The following BLMH variants were observed in gnomAD, a reference collection of about 807,000 sequenced individuals.
BLMH encodes the protein bleomycin hydrolase.
A neutral mutation model predicts 61.6 loss-of-function variants in BLMH; 32 were observed. The observed-to-expected ratio is 0.52, with a 90% CI of 0.39 to 0.70. BLMH has a LOEUF of 0.70. Among genes scored for constraint, BLMH ranks in the 30% least tolerant of loss-of-function variants. BLMH has a pLI of 0.00. For missense variants in BLMH, 460 were observed against 555.5 expected, an observed-to-expected ratio of 0.83 and a Z score of 1.73; for synonymous variants, 183 against 193.8, an observed-to-expected ratio of 0.94 and a Z score of 0.46.
At position 30,275,481 on chromosome 17, in the gene BLMH, A is replaced by G. The variant is rs1017327475; in HGVS notation, c.646-1284T>C. ...TGAGACCAGCCTGGCCAACATGGTG[A>G]AACCCTGTCTTTACTAAAGATACAA... On this transcript the variant is annotated intron_variant, in intron 6 of 11. Coordinates refer to ENST00000261714, the MANE Select transcript of BLMH (RefSeq NM_000386.4). 1.5e-4 allele frequency among the ~76,000 whole-genome samples: 23 copies of G among 152,252 alleles called. No homozygotes were observed. In the South Asian group the frequency reaches 4.6e-3, roughly 30 times the overall value.
intron 11 of BLMH, among the ~76,000 whole-genome samples, chr17:30,253,055 G>GA (rs1421293445): frequency 6.6e-6 from 1 of 152,164 alleles, no homozygotes; most frequent in Non-Finnish European, 1.5e-5. Context: ...GCAAGCAGGA[G>GA]AGCAGACTAG....
chr17:30,291,262 A>C, intron 2 of BLMH, 49 bp downstream of exon 2: 8 of 1,579,470 alleles, frequency 5.1e-6, no homozygotes, highest in Non-Finnish European at 5.2e-6. Context: ...CCAAAATGGG[A>C]CGCTGTCAGG....
chr17:30,282,017 T>A (rs1908604698), intron 6 of BLMH, among the ~76,000 whole-genome samples: 1 of 152,146 alleles, frequency 6.6e-6, no homozygotes, highest in African/African-American at 2.4e-5. Flanking sequence ...TTCTTTTCCC[T>A]TTTTGTGGCA....
chr17:30,254,701 T>C (rs1907765878), intron 11 of BLMH, among the ~76,000 whole-genome samples: 1 of 152,190 alleles, frequency 6.6e-6, no homozygotes, highest in African/African-American at 2.4e-5. Flanking sequence ...CCTTAAAAGT[T>C]ACCCAAACTC....
intron 11 of BLMH, among the ~76,000 whole-genome samples, chr17:30,257,727 C>T (rs889902847): frequency 6.6e-6 from 1 of 152,192 alleles, no homozygotes; most frequent in Non-Finnish European, 1.5e-5. Flanking sequence ...ATTCTCACAA[C>T]AATGCTGTGA....
chr17:30,271,880 A>G (rs1228662478), intron 9 of BLMH, among the ~76,000 whole-genome samples: 1 of 152,188 alleles, frequency 6.6e-6, no homozygotes, highest in Admixed American at 6.5e-5. Flanking sequence ...GGCAAAATAC[A>G]TGTGAGAGAG....
intron 11 of BLMH, among the ~76,000 whole-genome samples, chr17:30,256,284 T>G (rs1197283138): frequency 6.6e-6 from 1 of 152,238 alleles, no homozygotes; most frequent in Non-Finnish European, 1.5e-5. Context: ...TTTCCTATTA[T>G]GTAACTGGCC....
At chr17:30,271,429 C>T (rs1335501208) in intron 9 of BLMH, 41 bp from the exon 10 acceptor site, 1 of 1,534,560 alleles carries the variant, frequency 6.5e-7, no homozygotes, top group Non-Finnish European at 9.0e-7. Context: ...GGAGTACGAT[C>T]ATGGGGAAAA....
intron 1 of BLMH, 69 bp from the exon 2 acceptor site, chr17:30,291,577 C>T (rs747369910): frequency 6.4e-7 from 1 of 1,574,040 alleles, no homozygotes; most frequent in African/African-American, 1.3e-5. Flanking sequence ...GCTCCCGCGT[C>T]CCGAATCTAA....
chr17:30,262,604 C>G (rs1269037307), intron 11 of BLMH, among the ~76,000 whole-genome samples: 1 of 152,132 alleles, frequency 6.6e-6, no homozygotes, highest in African/African-American at 2.4e-5. Context: ...ACCATCCTGG[C>G]TAACACAGTG....
At chr17:30,280,028 G>C (rs922258933) in intron 6 of BLMH, among the ~76,000 whole-genome samples, 2 of 152,138 alleles carry the variant, frequency 1.3e-5, no homozygotes, top group South Asian at 2.1e-4. Context: ...AAGGAAAGAT[G>C]CAGCAGTTGA....
intron 6 of BLMH, among the ~76,000 whole-genome samples, chr17:30,279,917 T>A (rs1377081368): frequency 6.6e-6 from 1 of 152,120 alleles, no homozygotes; most frequent in Non-Finnish European, 1.5e-5. Context: ...AAGAATGAGA[T>A]ATGAAATAAG....
intron 6 of BLMH, among the ~76,000 whole-genome samples, chr17:30,275,058 A>G (rs1396293665): frequency 6.7e-6 from 1 of 149,312 alleles, no homozygotes; most frequent in African/African-American, 2.5e-5. Flanking sequence ...AAAAAAAAAA[A>G]GTACAAAAAC....
intron 11 of BLMH, among the ~76,000 whole-genome samples, chr17:30,266,393 C>T (rs1296405386): frequency 2.6e-5 from 4 of 151,350 alleles, no homozygotes; most frequent in Non-Finnish European, 5.9e-5. Context: ...GGAGTGGTGG[C>T]GGGTGCCTGC....
At chr17:30,271,430 A>G in intron 9 of BLMH, 42 bp from the exon 10 acceptor site, 1 of 1,533,274 alleles carries the variant, frequency 6.5e-7, no homozygotes, top group Non-Finnish European at 9.0e-7. Context: ...GAGTACGATC[A>G]TGGGGAAAAC....
At chr17:30,272,356 G>A (rs546776448) in intron 9 of BLMH, 1 of 608,174 alleles carries the variant, frequency 1.6e-6, no homozygotes, top group South Asian at 2.3e-5. Flanking sequence ...TAGAAAGTGG[G>A]ATTTTGATGT....
chr17:30,264,187 C>T (rs534221554), intron 11 of BLMH, among the ~76,000 whole-genome samples: 3 of 152,166 alleles, frequency 2.0e-5, no homozygotes, highest in South Asian at 2.1e-4. Flanking sequence ...CTTGAATGAA[C>T]GACTCCCTAC....
chr17:30,261,467 C>A (rs1022206004), intron 11 of BLMH, among the ~76,000 whole-genome samples: 5 of 152,134 alleles, frequency 3.3e-5, no homozygotes, highest in Non-Finnish European at 5.9e-5. Context: ...GTTCATAACT[C>A]CTTAGATTTA....
At position 30,249,113 on chromosome 17, in the gene BLMH, C is replaced by A. The variant is rs758702032; in HGVS notation, c.1272G>T (p.Val424=). Residue 424 remains valine, a synonymous_variant, in exon 12 of 12, where the codon GTG becomes GTT. Coordinates refer to ENST00000261714, the MANE Select transcript of BLMH (RefSeq NM_000386.4). ...WFSEYVYEVV[V]DRKHVPEEVL... ...CCTCTTCAGGGACATGCTTCCTGTC[C>A]ACCACCACTTCGTAGACATACTCAG... The A allele has an allele frequency of 6.2e-7, 1 of 1,614,116 alleles. No individual in the cohort carries two copies. Among genetic ancestry groups the A allele is most frequent in the East Asian group, 2.2e-5 (1 of 44,880 alleles).
Sources: allele counts gnomAD v4.1 joint callset (sites outside exome capture counted in the v4.1 genomes callset), GRCh38; gene constraint gnomAD v4.1.1; transcripts MANE v1.5; gene names NCBI Gene and HGNC (gene_info 2026-07-23, HGNC 2026-07-21).